The following TCF12 variants were observed in gnomAD, a reference collection of about 807,000 sequenced individuals.
TCF12 encodes DNA-binding protein HTF4.
A neutral mutation model predicts 86.0 loss-of-function variants in TCF12; 45 were observed. That is an observed-to-expected ratio of 0.52 (90% confidence interval 0.41 to 0.67). The LOEUF (loss-of-function observed/expected upper bound fraction) is 0.67. Ranked by LOEUF, TCF12 falls within the 30% of genes least tolerant of loss-of-function variation. TCF12 has a pLI of 0.00. For synonymous variants in TCF12, 330 were observed against 299.6 expected, an observed-to-expected ratio of 1.10 and a Z score of -1.05; for missense variants, 881 against 859.9, an observed-to-expected ratio of 1.02 and a Z score of -0.31.
chr15:56,973,283 T>C (rs1456630578), intron 3 of TCF12, among the ~76,000 whole-genome samples: 1 of 152,122 alleles, frequency 6.6e-6, no homozygotes, highest in East Asian at 1.9e-4. Context: ...TATACATTAA[T>C]TTATTTCCAA....
rs1249001861 is a variant in TCF12 at position 57,289,613 on chromosome 15, G to C, written c.*3468G>C. The C allele has an allele frequency of 6.6e-6, 1 of 151,856 alleles. No individual in the cohort carries two copies. Among genetic ancestry groups the C allele is most frequent in the Non-Finnish European group, 1.5e-5 (1 of 67,982 alleles). The allele number at this position is 151,856 out of a possible 1,614,324, so 9.4% of individuals were successfully genotyped here. On this transcript the variant is annotated 3_prime_UTR_variant, in exon 21 of 21. Transcript: ENST00000333725. Reference sequence around the variant, plus strand: ...ATTTAAACACACGTCGTGTGTGTGTGTGTGTGTGTGTCTGTGTGTGTGTGA... The same window carrying C: ...ATTTAAACACACGTCGTGTGTGTGTCTGTGTGTGTGTCTGTGTGTGTGTGA...
At chr15:56,999,485 T>G (rs991171153) in intron 3 of TCF12, among the ~76,000 whole-genome samples, 2 of 152,136 alleles carry the variant, frequency 1.3e-5, no homozygotes, top group African/African-American at 4.8e-5. Flanking sequence ...CACATAAATT[T>G]GACAACTTAG....
At chr15:56,987,485 A>G (rs1421710670) in intron 3 of TCF12, among the ~76,000 whole-genome samples, 1 of 152,134 alleles carries the variant, frequency 6.6e-6, no homozygotes, top group Non-Finnish European at 1.5e-5. Flanking sequence ...ATAAATGTTT[A>G]AGCTTTGAGT....
intron 6 of TCF12, among the ~76,000 whole-genome samples, chr15:57,191,806 C>T (rs181143001): frequency 6.6e-5 from 10 of 151,884 alleles, no homozygotes; most frequent in South Asian, 2.1e-4. Context: ...TGGTGGTGCG[C>T]GCCTGTAATC....
At chr15:57,116,536 A>T (rs1268536603) in intron 5 of TCF12, among the ~76,000 whole-genome samples, 1 of 151,956 alleles carries the variant, frequency 6.6e-6, no homozygotes, top group African/African-American at 2.4e-5. Flanking sequence ...TTGTAGAGAC[A>T]GGGTTTTGCA....
intron 3 of TCF12, among the ~76,000 whole-genome samples, chr15:56,967,321 G>T (rs942477856): frequency 5.9e-5 from 9 of 151,976 alleles, no homozygotes; most frequent in African/African-American, 1.9e-4. Context: ...AAAAAACGCT[G>T]AAGTTGGGAT....
chr15:57,243,155 A>G, intron 12 of TCF12, among the ~76,000 whole-genome samples: 1 of 152,232 alleles, frequency 6.6e-6, no homozygotes, highest in East Asian at 1.9e-4. Context: ...TATTCTAGAA[A>G]GATTGTCAGA....
intron 8 of TCF12, among the ~76,000 whole-genome samples, chr15:57,198,621 G>A (rs1416944748): frequency 6.6e-6 from 1 of 152,052 alleles, no homozygotes; most frequent in South Asian, 2.1e-4. Context: ...TAAATCTCTG[G>A]TGCAAAAAAC....
intron 4 of TCF12, among the ~76,000 whole-genome samples, chr15:57,069,739 T>G (rs771909028): frequency 6.6e-6 from 1 of 152,304 alleles, no homozygotes; most frequent in South Asian, 2.1e-4. Flanking sequence ...TTGACTTTAG[T>G]ACTTCCCAAC....
At chr15:57,166,569 G>C (rs2054910737) in intron 6 of TCF12, 103 bp downstream of exon 6, 1 of 1,046,046 alleles carries the variant, frequency 9.6e-7, no homozygotes, top group Non-Finnish European at 1.4e-6. Flanking sequence ...TTTCACTACT[G>C]TTTGTTTAAT....
intron 3 of TCF12, among the ~76,000 whole-genome samples, chr15:57,019,220 T>C (rs2065330991): frequency 6.6e-6 from 1 of 152,188 alleles, no homozygotes. Context: ...ACTCGTTGCC[T>C]TTTACTATCA....
chr15:57,193,891 A>C (rs1216685517), intron 7 of TCF12, among the ~76,000 whole-genome samples: 9 of 152,162 alleles, frequency 5.9e-5, no homozygotes, highest in African/African-American at 2.2e-4. Flanking sequence ...GGTGATTTAG[A>C]CCAGTATACT....
chr15:57,260,270 C>T (rs2060529008), intron 16 of TCF12, among the ~76,000 whole-genome samples: 2 of 152,050 alleles, frequency 1.3e-5, no homozygotes, highest in Admixed American at 1.3e-4. Context: ...AATGATCAGA[C>T]ACTTTTTAAT....
At chr15:57,123,982 A>AAAAAAT (rs1555511574) in intron 5 of TCF12, among the ~76,000 whole-genome samples, 8 of 111,266 alleles carry the variant, frequency 7.2e-5, no homozygotes, top group African/African-American at 1.8e-4. Flanking sequence ...AAAAAAAAAA[A>AAAAAAT]TTTTTTTTTT....
intron 3 of TCF12, among the ~76,000 whole-genome samples, chr15:57,034,945 T>C (rs1486390669): frequency 6.6e-6 from 1 of 152,340 alleles, no homozygotes; most frequent in South Asian, 2.1e-4. Context: ...TAGGAACATA[T>C]AATTTCCCAT....
At chr15:57,244,730 CT>C (rs1276490945) in intron 13 of TCF12, among the ~76,000 whole-genome samples, 2 of 151,754 alleles carry the variant, frequency 1.3e-5, no homozygotes, top group African/African-American at 4.8e-5. Context: ...TCCCAAAGTG[CT>C]GGGATTACAG....
chr15:57,067,488 C>CG (rs34362015), intron 4 of TCF12, among the ~76,000 whole-genome samples: 140,021 of 143,036 alleles, frequency 0.98, 68,593 homozygotes, highest in East Asian at 1. Context: ...CGCAGTGAGC[C>CG]AGATCCCGCC....
chr15:57,184,003 A>G (rs550416658), intron 6 of TCF12, among the ~76,000 whole-genome samples: 7 of 152,276 alleles, frequency 4.6e-5, no homozygotes, highest in East Asian at 3.9e-4. Flanking sequence ...TATGACTACT[A>G]TTTGATTTCT....
rs117128293 is a variant in TCF12, at chr15:57,286,041, T to A, written c.*12-116T>A. ...GCAGACTACAAATTTAGTGCAGACC[T>A]GGATATAGATGAGGAATACCAGCAT... On this transcript the variant is annotated intron_variant, in intron 20 of 20. Coordinates refer to ENST00000333725, the MANE Select transcript of TCF12 (RefSeq NM_207037.2). 208 of 152,806 alleles carry A rather than the reference T, an allele frequency of 1.4e-3. 3 individuals carry two copies. Among genetic ancestry groups the A allele is most frequent in the South Asian group, 3.7e-3 (18 of 4,848 alleles). The allele number at this position is 152,806 out of a possible 1,614,324, so 9.5% of individuals were successfully genotyped here.
Sources: allele counts gnomAD v4.1 joint callset (sites outside exome capture counted in the v4.1 genomes callset), GRCh38; gene constraint gnomAD v4.1.1; transcripts MANE v1.5; gene names NCBI Gene and HGNC (gene_info 2026-07-23, HGNC 2026-07-21).